SNAP25: variants seen among roughly 807,000 people sequenced by gnomAD.
SNAP25 encodes synaptosomal-associated protein 25.
SNAP25 carries 3 observed loss-of-function variants against 28.7 expected under a neutral mutation model. The ratio of observed to expected loss-of-function variants is 0.10; its 90% CI spans 0.05 to 0.27. SNAP25 has a LOEUF of 0.27. Ranked by LOEUF, SNAP25 falls within the 10% of genes least tolerant of loss-of-function variation. The pLI, the probability that SNAP25 is intolerant of heterozygous loss-of-function variation, is 1.00. For synonymous variants in SNAP25, 61 were observed against 88.1 expected, an observed-to-expected ratio of 0.69 and a Z score of 1.72; for missense variants, 117 against 278.7, an observed-to-expected ratio of 0.42 and a Z score of 4.13.
rs375764492 is a variant in SNAP25 at position 10,293,294 on chromosome 20, C to T, written c.281+16C>T. ...CCTGTAACAAGTAGGTGCTGCCTGC[C>T]TGCCTGAAGCTTTGATTTCCCAAGG... On this transcript the variant is annotated intron_variant, in intron 5 of 7. Transcript: ENST00000254976. The surrounding 1 kb of genome is among the most constrained non-coding windows in gnomAD (Gnocchi z 5.6). The T allele has an allele frequency of 1.7e-4, 266 of 1,591,944 alleles. No homozygotes were observed. Among genetic ancestry groups the T allele is most frequent in the Middle Eastern group, 1.2e-3 (7 of 6,040 alleles).
chr20:10,243,447 C>T (rs1300675075), intron 1 of SNAP25, among the ~76,000 whole-genome samples: 4 of 152,136 alleles, frequency 2.6e-5, no homozygotes, highest in Non-Finnish European at 4.4e-5. Flanking sequence ...CAATCTGGGG[C>T]ACCACATTGC....
chr20:10,277,566 A>C, intron 2 of SNAP25, 119 bp from the exon 3 acceptor site: 1 of 827,580 alleles, frequency 1.2e-6, no homozygotes, highest in Non-Finnish European at 1.9e-6. Context: ...TTGCCAACTG[A>C]AAAGAATATG....
At chr20:10,225,731 A>C (rs1445007283) in intron 1 of SNAP25, among the ~76,000 whole-genome samples, 1 of 152,140 alleles carries the variant, frequency 6.6e-6, no homozygotes, top group Non-Finnish European at 1.5e-5. Flanking sequence ...ATTTTCCTCC[A>C]AAGTGGCAGG....
chr20:10,240,478 C>T (rs2122731140), intron 1 of SNAP25, among the ~76,000 whole-genome samples: 1 of 152,272 alleles, frequency 6.6e-6, no homozygotes, highest in East Asian at 1.9e-4. Context: ...CCCCCATGCT[C>T]AAGAGAAGGA....
At chr20:10,220,239 C>G (rs1286195818) in intron 1 of SNAP25, among the ~76,000 whole-genome samples, 1 of 152,196 alleles carries the variant, frequency 6.6e-6, no homozygotes, top group Non-Finnish European at 1.5e-5. Context: ...CTTCTTCCCC[C>G]ATCCTTGCAA....
chr20:10,275,364 G>A (rs2063673190), intron 1 of SNAP25, 65 bp from the exon 2 acceptor site: 1 of 693,730 alleles, frequency 1.4e-6, no homozygotes, highest in Non-Finnish European at 2.3e-6. Flanking sequence ...TAGATTTTCT[G>A]GTCTTTGCAC....
intron 1 of SNAP25, among the ~76,000 whole-genome samples, chr20:10,226,169 G>C (rs2062731094): frequency 6.6e-6 from 1 of 152,114 alleles, no homozygotes; most frequent in Non-Finnish European, 1.5e-5. Context: ...GCTAGGTATA[G>C]GTAAATCACA....
At chr20:10,290,337 CTGA>C (rs1430864895) in intron 4 of SNAP25, among the ~76,000 whole-genome samples, 1 of 152,144 alleles carries the variant, frequency 6.6e-6, no homozygotes, top group African/African-American at 2.4e-5. Context: ...ATATATTCAA[CTGA>C]TATTGGTAGT....
At chr20:10,230,611 T>C (rs187216130) in intron 1 of SNAP25, among the ~76,000 whole-genome samples, 2 of 152,272 alleles carry the variant, frequency 1.3e-5, no homozygotes, top group Admixed American at 6.5e-5. Flanking sequence ...TTTAATCATC[T>C]CCAGGTGATT....
At chr20:10,260,850 G>A (rs2063402800) in intron 1 of SNAP25, among the ~76,000 whole-genome samples, 1 of 152,024 alleles carries the variant, frequency 6.6e-6, no homozygotes, top group Non-Finnish European at 1.5e-5. Flanking sequence ...CATCCATTAG[G>A]TTAATTAGTA....
At chr20:10,280,753 A>T (rs1248549872) in intron 3 of SNAP25, among the ~76,000 whole-genome samples, 3 of 152,206 alleles carry the variant, frequency 2.0e-5, no homozygotes, top group Admixed American at 6.5e-5. Flanking sequence ...ACTTCCATGG[A>T]GTGGTTATTG....
intron 6 of SNAP25, among the ~76,000 whole-genome samples, chr20:10,297,692 A>G (rs2064143484): frequency 6.6e-6 from 1 of 152,202 alleles, no homozygotes; most frequent in Non-Finnish European, 1.5e-5. Context: ...ACCAAAGCTA[A>G]CAGGGAGTGA....
chr20:10,222,573 G>T (rs1392739631), intron 1 of SNAP25, among the ~76,000 whole-genome samples: 1 of 152,200 alleles, frequency 6.6e-6, no homozygotes, highest in African/African-American at 2.4e-5. Context: ...TCTGTGGAAG[G>T]CTTTGAATGT....
chr20:10,267,526 A>G (rs558973342), intron 1 of SNAP25, among the ~76,000 whole-genome samples: 2 of 149,590 alleles, frequency 1.3e-5, no homozygotes, highest in South Asian at 2.1e-4. Context: ...GAAACTAAAA[A>G]TAGTCTCCAG....
chr20:10,263,568 C>T (rs2063457354), intron 1 of SNAP25, among the ~76,000 whole-genome samples: 1 of 152,126 alleles, frequency 6.6e-6, no homozygotes, highest in African/African-American at 2.4e-5. Context: ...TGTCTGTTCA[C>T]GCACTCCTGA....
At chr20:10,294,503 A>C (rs75573098) in intron 5 of SNAP25, among the ~76,000 whole-genome samples, 1 of 152,242 alleles carries the variant, frequency 6.6e-6, no homozygotes, top group African/African-American at 2.4e-5. Context: ...TCAGAAATGT[A>C]AAATGGTTTT....
intron 5 of SNAP25, among the ~76,000 whole-genome samples, chr20:10,294,923 T>C (rs2064077882): frequency 1.3e-5 from 2 of 152,228 alleles, no homozygotes; most frequent in East Asian, 1.9e-4. Context: ...AGATACATTT[T>C]CCCCCCTTCA....
At position 10,280,335 on chromosome 20, in the gene SNAP25, G is replaced by T. The variant is rs565940282; in HGVS notation, c.114+2609G>T. On this transcript the variant is annotated intron_variant, in intron 3 of 7. Transcript: ENST00000254976. ...TGGAGAAAGTTCAGAAAAAATGAATGCCATAGATAGGTAAAAAGGTTAGAA... is the reference window on the plus strand; with the variant it reads ...TGGAGAAAGTTCAGAAAAAATGAATTCCATAGATAGGTAAAAAGGTTAGAA... Among the ~76,000 whole-genome samples the T allele has an allele frequency of 2.6e-5, 4 of 152,300 alleles. 1 individual carries two copies. In the South Asian group the frequency reaches 6.2e-4, roughly 24 times the overall value.
chr20:10,245,621 C>T (rs2063113532), intron 1 of SNAP25, among the ~76,000 whole-genome samples: 1 of 152,096 alleles, frequency 6.6e-6, no homozygotes, highest in Non-Finnish European at 1.5e-5. Flanking sequence ...GGGCGTGTGC[C>T]CAGATCCAAA....
Sources: gnomAD v4.1 joint callset for allele counts (sites outside exome capture counted in the v4.1 genomes callset) on GRCh38, gnomAD v4.1.1 for gene constraint, Gnocchi (gnomAD v3.1) non-coding constraint, MANE v1.5 for transcripts, NCBI Gene and HGNC (gene_info 2026-07-23, HGNC 2026-07-21) for gene names.